The following KCNQ4 variants were observed in gnomAD, a reference collection of about 807,000 sequenced individuals.
KCNQ4 encodes potassium voltage-gated channel subfamily Q member 4, also known as potassium voltage-gated channel subfamily KQT member 4.
In KCNQ4, 31 loss-of-function variants were observed where a neutral mutation model predicts 72.6. The ratio of observed to expected loss-of-function variants is 0.43; its 90% CI spans 0.32 to 0.58. The LOEUF (loss-of-function observed/expected upper bound fraction) is 0.58. Among genes scored for constraint, KCNQ4 ranks in the 20% least tolerant of loss-of-function variants. The probability of loss-of-function intolerance (pLI) is 0.08; values close to 1 mark genes in which losing one functional copy is unlikely to be tolerated. For synonymous variants in KCNQ4, 405 were observed against 403.7 expected (o/e 1.00, Z -0.04); for missense variants, 869 against 962.6 (o/e 0.90, Z 1.29).
intron 11 of KCNQ4, among the ~76,000 whole-genome samples, chr1:40,833,715 G>A (rs1648725616): frequency 6.6e-6 from 1 of 151,406 alleles, no homozygotes; most frequent in South Asian, 2.1e-4. Flanking sequence ...ATTAGAGTCA[G>A]GCTGGGCGTG....
Position 40,838,518 on chromosome 1 carries a change from G to A in KCNQ4, c.2083G>A (p.Asp695Asn), listed in dbSNP as rs1422986789. Residue 695 changes from aspartate (D) to asparagine (N), a missense_variant, in exon 14 of 14, where the codon GAC becomes AAC. By Grantham distance (23) the Asp-to-Asn change is conservative. This residue lies in a region of KCNQ4 where 480 missense variants were observed against 501.9 expected (regional missense o/e 0.96). Transcript: ENST00000347132. Reference protein sequence around the residue: ...SISRSVSTNMD With the variant: ...SISRSVSTNMN Reference sequence around the variant, plus strand: ...CTCCCGCTCGGTCAGCACCAACATGGACTGAGGGACTTCTCAGAGGCAGGG... The same window carrying A: ...CTCCCGCTCGGTCAGCACCAACATGAACTGAGGGACTTCTCAGAGGCAGGG... 1 of 1,613,912 alleles carries A rather than the reference G, an allele frequency of 6.2e-7. No individual in the cohort carries two copies. The highest frequency in any genetic ancestry group is 1.3e-5 in the African/African-American group (1 of 74,938).
At chr1:40,822,424 G>A (rs761858150) in intron 8 of KCNQ4, 22 bp downstream of exon 8, 3 of 1,437,382 alleles carry the variant, frequency 2.1e-6, no homozygotes, top group South Asian at 2.3e-5. Context: ...TGGGGGTGGG[G>A]GTGGGTGGGG....
intron 1 of KCNQ4, among the ~76,000 whole-genome samples, chr1:40,809,580 C>T (rs994008224): frequency 2.6e-5 from 4 of 152,212 alleles, no homozygotes; most frequent in African/African-American, 9.7e-5. Flanking sequence ...CTACTTCCTG[C>T]GGTGTTTTCC....
At chr1:40,793,465 G>A (rs902331705) in intron 1 of KCNQ4, among the ~76,000 whole-genome samples, 17 of 151,990 alleles carry the variant, frequency 1.1e-4, no homozygotes, top group Non-Finnish European at 1.8e-4. Context: ...GCACTCCTAC[G>A]ACATCAGGGG....
chr1:40,798,892 C>T (rs1212832812), intron 1 of KCNQ4, among the ~76,000 whole-genome samples: 1 of 152,252 alleles, frequency 6.6e-6, no homozygotes, highest in Admixed American at 6.5e-5. Context: ...GGCCTGGCTG[C>T]CTGGGCAAAG....
At position 40,784,279 on chromosome 1, in the gene KCNQ4, C is replaced by A. The variant is rs1389115708; in HGVS notation, c.186C>A (p.Gly62=). The A allele has an allele frequency of 6.5e-7, 1 of 1,544,804 alleles. No individual in the cohort carries two copies. The highest frequency in any genetic ancestry group is 1.2e-5 in the South Asian group (1 of 84,954). The change falls in exon 1 of 14, where the codon GGC becomes GGA. Residue 62 remains glycine, a synonymous_variant. Coordinates refer to ENST00000347132, the MANE Select transcript of KCNQ4 (RefSeq NM_004700.4). This position sits in a 1 kb window ranked among gnomAD's most constrained non-coding sequence, Gnocchi z 4.1. ...LPPGAPLPGP[G]SGSGSACGQR... is the part of the protein sequence containing the mutation. ...CGGGCGCGCCCCTCCCTGGGCCGGG[C>A]TCCGGCTCGGGCTCCGCCTGCGGCC...
At chr1:40,832,023 C>A (rs944521038) in intron 10 of KCNQ4, among the ~76,000 whole-genome samples, 2 of 152,264 alleles carry the variant, frequency 1.3e-5, no homozygotes, top group Admixed American at 1.3e-4. Context: ...AAGTATGAGA[C>A]TGTGGACCAT....
chr1:40,817,230 A>C lies in KCNQ4; in HGVS notation c.315-35A>C, dbSNP rs1269602841. ...GCACCTTGGCTGTCCTGTCCCTCCA[A>C]CAATCTAACCCTCTCCCTCATGTTG... On this transcript the variant is annotated intron_variant, in intron 1 of 13. Transcript: ENST00000347132. This position sits in a 1 kb window ranked among gnomAD's most constrained non-coding sequence, Gnocchi z 5.5. 1.3e-6 allele frequency: 2 copies of C among 1,584,890 alleles called. No individual in the cohort carries two copies. The highest frequency in any genetic ancestry group is 1.7e-6 in the Non-Finnish European group (2 of 1,155,318).
intron 1 of KCNQ4, among the ~76,000 whole-genome samples, chr1:40,809,324 C>T (rs571578907): frequency 1.1e-4 from 17 of 152,292 alleles, no homozygotes; most frequent in African/African-American, 3.6e-4. Flanking sequence ...GTCACCACCT[C>T]TACCCTGATG....
At chr1:40,828,306 T>C (rs1648543058) in intron 9 of KCNQ4, among the ~76,000 whole-genome samples, 1 of 152,222 alleles carries the variant, frequency 6.6e-6, no homozygotes, top group Non-Finnish European at 1.5e-5. Context: ...AACAGATCCT[T>C]AGCCAGAGTT....
intron 1 of KCNQ4, among the ~76,000 whole-genome samples, chr1:40,811,643 G>A (rs931791979): frequency 1.3e-5 from 2 of 152,228 alleles, no homozygotes; most frequent in Admixed American, 6.5e-5. Flanking sequence ...ATAGTCATGG[G>A]ATGGGGAGAT....
At chr1:40,829,733 C>A (rs1214854206) in intron 9 of KCNQ4, among the ~76,000 whole-genome samples, 1 of 152,196 alleles carries the variant, frequency 6.6e-6, no homozygotes, top group Non-Finnish European at 1.5e-5. Context: ...CTGGCTGGTA[C>A]TCTCTTGATC....
intron 1 of KCNQ4, among the ~76,000 whole-genome samples, chr1:40,799,217 C>A (rs1647502644): frequency 6.6e-6 from 1 of 152,194 alleles, no homozygotes; most frequent in African/African-American, 2.4e-5. Context: ...AGCTAGGGGG[C>A]AATGCTGGGG....
At chr1:40,792,470 G>A (rs1276224727) in intron 1 of KCNQ4, among the ~76,000 whole-genome samples, 2 of 152,180 alleles carry the variant, frequency 1.3e-5, no homozygotes, top group South Asian at 2.1e-4. Flanking sequence ...GCAGATCCAC[G>A]GGCTTCATTT....
chr1:40,831,347 G>GGTGGCAGGGCGGGGACAGTCTGGGC, intron 10 of KCNQ4, 43 bp downstream of exon 10: 1 of 1,516,120 alleles, frequency 6.6e-7, no homozygotes. Flanking sequence ...GCCGGCTGAG[G>GGTGGCAGGGCGGGGACAGTCTGGGC]GTGGCAGGGC....
rs2148330012 is a variant in KCNQ4 at position 40,831,303 on chromosome 1, G to C, written c.1512G>C (p.Glu504Asp). ...SLRLKPRTSA[E>D]DAPSEEVAEE... Reference sequence around the variant, plus strand: ...GACTCAAACCCCGCACCTCTGCTGAGGGTAAGCCCCCGGGGGGCTGAGTCC... The same window carrying C: ...GACTCAAACCCCGCACCTCTGCTGACGGTAAGCCCCCGGGGGGCTGAGTCC... Residue 504 changes from glutamate to aspartate, a missense_variant and splice_region_variant, in exon 10 of 14, where the codon GAG (glutamate) becomes GAC (aspartate). Around this residue, in one of 5 missense-constraint regions of KCNQ4, gnomAD observed 480 missense variants for 501.9 expected, o/e 0.96. Coordinates refer to ENST00000347132, the MANE Select transcript of KCNQ4 (RefSeq NM_004700.4). The C allele has an allele frequency of 6.3e-7, 1 of 1,592,538 alleles. No homozygotes were observed. Among genetic ancestry groups the C allele is most frequent in the East Asian group, 2.3e-5 (1 of 44,070 alleles).
chr1:40,837,792 C>G lies in KCNQ4; in HGVS notation c.1873C>G (p.Gln625Glu). 1 of 1,607,350 alleles carries G rather than the reference C, an allele frequency of 6.2e-7. No individual in the cohort carries two copies. The highest frequency in any genetic ancestry group is 8.5e-7 in the Non-Finnish European group (1 of 1,177,378). Residue 625 changes from glutamine (Q) to glutamate (E), a missense_variant and splice_region_variant, in exon 13 of 14, where the codon CAG becomes GAG. Gln to Glu is a conservative substitution (Grantham distance 29, BLOSUM62 2). Transcript: ENST00000347132. Reference protein sequence around the residue: ...MMGRVVKVEKQVQSIEHKLDL... With the variant: ...MMGRVVKVEKEVQSIEHKLDL... ...GGGACGCGTGGTCAAGGTGGAGAAG[C>G]AGGTGAGTGTAGGATGGGGTGGCGG...
intron 9 of KCNQ4, among the ~76,000 whole-genome samples, chr1:40,828,062 G>A (rs918264813): frequency 3.3e-5 from 5 of 152,228 alleles, no homozygotes; most frequent in African/African-American, 1.2e-4. Context: ...AGAGGCCAGT[G>A]GCGAGGCTGT....
chr1:40,820,091 T>C (rs1160579885), intron 6 of KCNQ4, 74 bp from the exon 7 acceptor site: 2 of 1,529,498 alleles, frequency 1.3e-6, no homozygotes, highest in East Asian at 4.6e-5. Context: ...GGGGCAAGGA[T>C]GGGGACACCC....
Sources: gnomAD v4.1 joint callset for allele counts (sites outside exome capture counted in the v4.1 genomes callset) on GRCh38, gnomAD v4.1.1 for gene constraint, gnomAD v4.1.1 regional missense constraint, Gnocchi (gnomAD v3.1) non-coding constraint, MANE v1.5 for transcripts, NCBI Gene and HGNC (gene_info 2026-07-23, HGNC 2026-07-21) for gene names.